The following COMMD10 variants were observed in gnomAD, a reference collection of about 807,000 sequenced individuals.
COMMD10 encodes the protein COMM domain-containing protein 10.
Under a neutral mutation model 28.9 loss-of-function variants are expected in COMMD10, and 33 were observed. The ratio of observed to expected loss-of-function variants is 1.14; its 90% CI spans 0.87 to 1.53. COMMD10 has a LOEUF of 1.53. COMMD10 is among the 40% of genes most tolerant of loss of function. The pLI is 0.00. For synonymous variants in COMMD10, 110 were observed against 81.7 expected (o/e 1.35, Z -1.87); for missense variants, 310 against 233.4 (o/e 1.33, Z -2.14).
chr5:116,237,965 AT>A (rs756390704), intron 5 of COMMD10, among the ~76,000 whole-genome samples: 4 of 152,182 alleles, frequency 2.6e-5, no homozygotes. Context: ...ATAAAGGTAA[AT>A]TTAATAAAAG....
chr5:116,180,176 C>T (rs191696199), intron 5 of COMMD10, among the ~76,000 whole-genome samples: 12 of 152,038 alleles, frequency 7.9e-5, no homozygotes, highest in African/African-American at 1.4e-4. Flanking sequence ...CACTTAGAGA[C>T]GCTTGGGTTA....
chr5:116,231,953 A>G (rs1749540466), intron 5 of COMMD10, among the ~76,000 whole-genome samples: 1 of 152,142 alleles, frequency 6.6e-6, no homozygotes, highest in Non-Finnish European at 1.5e-5. Flanking sequence ...TTCTGAACTG[A>G]ATGATACTAC....
At chr5:116,244,146 G>A (rs1191055936) in intron 5 of COMMD10, among the ~76,000 whole-genome samples, 3 of 138,576 alleles carry the variant, frequency 2.2e-5, no homozygotes, top group Admixed American at 1.4e-4. Flanking sequence ...GGATATCACA[G>A]CTTTTTTCTT....
In COMMD10 at chr5:116,241,212, C is replaced by T. The variant is rs138272424; in HGVS notation, c.511-50305C>T. Among the ~76,000 whole-genome samples the T allele has an allele frequency of 2.0e-5, 3 of 152,254 alleles. No homozygotes were observed. In the East Asian group the frequency reaches 5.8e-4, roughly 29 times the overall value. On this transcript the variant is annotated intron_variant, in intron 5 of 6. Coordinates refer to ENST00000274458, the MANE Select transcript of COMMD10 (RefSeq NM_016144.4). ...TTTAGTAAAAAGGATCTAGTCATTG[C>T]TTCCTTATAATATTGAAAATTAGTT...
In COMMD10 at chr5:116,284,030, AG is replaced by A. The variant is rs1751149309; in HGVS notation, c.511-7485del. On this transcript the variant is annotated intron_variant, in intron 5 of 6. Coordinates refer to ENST00000274458, the MANE Select transcript of COMMD10 (RefSeq NM_016144.4). ...TCTAATCCCAGCTACTCACAGGCTG[AG>A]GCAGGAGGTTCGTTTACACCCAGGA... Among the ~76,000 whole-genome samples the A allele has an allele frequency of 2.0e-5, 3 of 151,696 alleles. No homozygotes were observed. The South Asian group carries it at 6.2e-4, about 31-fold the overall frequency.
chr5:116,135,781 T>A (rs1752008905), intron 5 of COMMD10, among the ~76,000 whole-genome samples: 1 of 152,208 alleles, frequency 6.6e-6, no homozygotes, highest in East Asian at 1.9e-4. Flanking sequence ...TTTAGTACTA[T>A]CCATGGTTTC....
At chr5:116,190,925 T>A (rs1489095847) in intron 5 of COMMD10, among the ~76,000 whole-genome samples, 2 of 152,198 alleles carry the variant, frequency 1.3e-5, no homozygotes, top group African/African-American at 4.8e-5. Flanking sequence ...AAAAGTCAAA[T>A]TAAACATATT....
intron 5 of COMMD10, among the ~76,000 whole-genome samples, chr5:116,242,571 A>G (rs1749841439): frequency 6.6e-6 from 1 of 152,156 alleles, no homozygotes; most frequent in Admixed American, 6.5e-5. Flanking sequence ...CAAAGCTTGT[A>G]TTATTTTGAA....
chr5:116,112,380 T>C (rs1329782918), intron 4 of COMMD10, among the ~76,000 whole-genome samples: 2 of 152,132 alleles, frequency 1.3e-5, no homozygotes, highest in Non-Finnish European at 2.9e-5. Flanking sequence ...GGGTTTCTTG[T>C]AAATAGCATA....
At chr5:116,144,652 AAG>A (rs1752288819) in intron 5 of COMMD10, among the ~76,000 whole-genome samples, 1 of 151,850 alleles carries the variant, frequency 6.6e-6, no homozygotes, top group South Asian at 2.1e-4. Context: ...GAGGTCAGAA[AAG>A]AGAAGAATGG....
intron 5 of COMMD10, among the ~76,000 whole-genome samples, chr5:116,253,887 T>C (rs1429914227): frequency 4.6e-5 from 7 of 151,194 alleles, no homozygotes; most frequent in East Asian, 1.9e-4. Flanking sequence ...AGTTCCTCCT[T>C]GTACCTCTGG....
At chr5:116,246,224 C>G (rs1026677628) in intron 5 of COMMD10, among the ~76,000 whole-genome samples, 1 of 152,074 alleles carries the variant, frequency 6.6e-6, no homozygotes, top group East Asian at 1.9e-4. Context: ...GGAACATACT[C>G]CCATTCACAA....
At chr5:116,119,672 T>G (rs1751358337) in intron 4 of COMMD10, among the ~76,000 whole-genome samples, 1 of 152,130 alleles carries the variant, frequency 6.6e-6, no homozygotes, top group Admixed American at 6.6e-5. Context: ...TGGCTTGTGG[T>G]GTGATCATAG....
chr5:116,230,648 T>C (rs1469932471), intron 5 of COMMD10, among the ~76,000 whole-genome samples: 4 of 152,062 alleles, frequency 2.6e-5, no homozygotes, highest in African/African-American at 9.7e-5. Flanking sequence ...CCCAGTGATG[T>C]AGACAAGTTG....
chr5:116,156,453 C>T (rs1285481534), intron 5 of COMMD10, among the ~76,000 whole-genome samples: 1 of 152,136 alleles, frequency 6.6e-6, no homozygotes, highest in Admixed American at 6.6e-5. Context: ...TCTTCATTTC[C>T]TTGAAGAGGT....
At chr5:116,267,960 A>T (rs1017763925) in intron 5 of COMMD10, among the ~76,000 whole-genome samples, 1 of 151,872 alleles carries the variant, frequency 6.6e-6, no homozygotes, top group East Asian at 1.9e-4. Context: ...GAGATGGATT[A>T]AAGACTTACA....
chr5:116,123,023 G>C (rs1271380510), intron 4 of COMMD10, among the ~76,000 whole-genome samples: 2 of 152,128 alleles, frequency 1.3e-5, no homozygotes. Flanking sequence ...TGTTGAATAG[G>C]AGTGGTGAGA....
In COMMD10 at chr5:116,259,578, C is replaced by G. The variant is rs184631477; in HGVS notation, c.511-31939C>G. Among the ~76,000 whole-genome samples the G allele has an allele frequency of 1.8e-4, 27 of 151,702 alleles. No individual in the cohort carries two copies. In the East Asian group the frequency reaches 5.2e-3, roughly 29 times the overall value. The stretch of plus-strand genomic sequence containing the variant: ...TTTGTTGAATAGTTGAGAGCCTAGG[C>G]TGAACAGTCTTGGTGGCTGGAGGGT... On this transcript the variant is annotated intron_variant, in intron 5 of 6. Coordinates refer to ENST00000274458, the MANE Select transcript of COMMD10 (RefSeq NM_016144.4).
At chr5:116,264,984 G>A (rs1750548677) in intron 5 of COMMD10, among the ~76,000 whole-genome samples, 1 of 151,776 alleles carries the variant, frequency 6.6e-6, no homozygotes, top group Non-Finnish European at 1.5e-5. Context: ...TTTGAAAAGA[G>A]TAGGGAAAAT....
Sources: allele counts gnomAD v4.1 joint callset (sites outside exome capture counted in the v4.1 genomes callset), GRCh38; gene constraint gnomAD v4.1.1; transcripts MANE v1.5; gene names NCBI Gene and HGNC (gene_info 2026-07-23, HGNC 2026-07-21).